TMEM52B: variants seen among roughly 807,000 people sequenced by gnomAD.
TMEM52B encodes chromosome 12 open reading frame 59.
Under a neutral mutation model 16.1 loss-of-function variants are expected in TMEM52B, and 11 were observed. The ratio of observed to expected loss-of-function variants is 0.68; its 90% CI spans 0.43 to 1.13. TMEM52B has a LOEUF of 1.13. Ranked by LOEUF, TMEM52B falls within the 50% of genes most tolerant of loss-of-function variation. The pLI is 0.00. For synonymous variants in TMEM52B, 101 were observed against 93.8 expected (o/e 1.08, Z -0.45); for missense variants, 243 against 230.4 (o/e 1.05, Z -0.35).
chr12:10,185,294 A>G, intron 2 of TMEM52B, 36 bp from the exon 3 acceptor site: 2 of 1,476,158 alleles, frequency 1.4e-6, no homozygotes, highest in East Asian at 2.3e-5. Context: ...GATTGACTAT[A>G]TTTTTAATGT....
chr12:10,170,958 A>G (rs774383125), intron 1 of TMEM52B: 2 of 152,072 alleles, frequency 1.3e-5, no homozygotes, highest in African/African-American at 2.4e-5. Flanking sequence ...TCATAAACCA[A>G]TCCGATTCTT....
At chr12:10,186,913 C>G (rs910657963) in intron 4 of TMEM52B, among the ~76,000 whole-genome samples, 1 of 152,086 alleles carries the variant, frequency 6.6e-6, no homozygotes, top group African/African-American at 2.4e-5. Flanking sequence ...TTCAAAACGT[C>G]TTGGATTTTG....
intron 2 of TMEM52B, among the ~76,000 whole-genome samples, chr12:10,183,862 T>C (rs763047544): frequency 2.0e-5 from 3 of 152,158 alleles, no homozygotes; most frequent in Admixed American, 1.3e-4. Context: ...AGAATATATA[T>C]TTGGTTTTGT....
chr12:10,190,199 G>A lies in TMEM52B; in HGVS notation c.*59G>A, dbSNP rs1177706721. On this transcript the variant is annotated 3_prime_UTR_variant, in exon 5 of 5. Coordinates refer to ENST00000543484, the MANE Select transcript of TMEM52B (RefSeq NM_001384896.1). ...GATGTCCAGAGTCTGTGGGAAAATG[G>A]AACACATACTTTTCTAACCCTCAGA... 1.3e-6 allele frequency: 2 copies of A among 1,599,030 alleles called. No homozygotes were observed. The highest frequency in any genetic ancestry group is 1.7e-6 in the Non-Finnish European group (2 of 1,171,882).
At chr12:10,171,366 T>C (rs1031217177) in intron 1 of TMEM52B, among the ~76,000 whole-genome samples, 7 of 152,254 alleles carry the variant, frequency 4.6e-5, no homozygotes, top group African/African-American at 1.7e-4. Context: ...TATGAATTAA[T>C]TTATAGCTAT....
At position 10,190,169 on chromosome 12, in the gene TMEM52B, G is replaced by T; in HGVS notation, c.*29G>T. 1 of 1,613,142 alleles carries T rather than the reference G, an allele frequency of 6.2e-7. No individual in the cohort carries two copies. Among genetic ancestry groups the T allele is most frequent in the Non-Finnish European group, 8.5e-7 (1 of 1,179,442 alleles). Reference sequence around the variant, plus strand: ...GAGCTGTCATTTTATAAATAGGAGTGGAGTGATGTCCAGAGTCTGTGGGAA... The same window carrying T: ...GAGCTGTCATTTTATAAATAGGAGTTGAGTGATGTCCAGAGTCTGTGGGAA... On this transcript the variant is annotated 3_prime_UTR_variant, in exon 5 of 5. Transcript: ENST00000543484.
At position 10,185,363 on chromosome 12, in the gene TMEM52B, T is replaced by C; in HGVS notation, c.132T>C (p.Tyr44=). 1 of 1,608,002 alleles carries C rather than the reference T, an allele frequency of 6.2e-7. No homozygotes were observed. Among genetic ancestry groups the C allele is most frequent in the Non-Finnish European group, 8.5e-7 (1 of 1,174,400 alleles). The change falls in exon 3 of 5, where the codon TAT becomes TAC. Residue 44 remains tyrosine (Y), a synonymous_variant. Coordinates refer to ENST00000543484, the MANE Select transcript of TMEM52B (RefSeq NM_001384896.1). ...CCACAGACTGGGTACATCTCTGGTA[T>C]ATATGGTAAGTTTCACTTATAATAC... ...CLTTDWVHLW[Y]IWLLVVIGAL... is the part of the protein sequence containing the mutation.
intron 4 of TMEM52B, among the ~76,000 whole-genome samples, chr12:10,187,416 T>C (rs1948893782): frequency 6.6e-6 from 1 of 150,706 alleles, no homozygotes; most frequent in African/African-American, 2.4e-5. Context: ...GTTACTTTCT[T>C]TTTTTGACAC....
intron 4 of TMEM52B, among the ~76,000 whole-genome samples, chr12:10,188,513 G>GAAGGAAGGAAGGAAGGAAGC (rs1948909478): frequency 2.2e-5 from 1 of 45,650 alleles, no homozygotes; most frequent in African/African-American, 7.0e-5. Context: ...AGGAAGGAAG[G>GAAGGAAGGAAGGAAGGAAGC]AAGGAAGGAA....
At chr12:10,176,740 C>T (rs1948768570), upstream of TMEM52B, among the ~76,000 whole-genome samples, 1 of 152,142 alleles carries the variant, frequency 6.6e-6, no homozygotes. Context: ...CACACATTAA[C>T]TTATTTAATC....
At chr12:10,177,815 T>TAATAA (rs10631520), upstream of TMEM52B, among the ~76,000 whole-genome samples, 1,179 of 62,932 alleles carry the variant, frequency 0.019, 14 homozygotes, top group Middle Eastern at 0.028. Flanking sequence ...ATAATAATAA[T>TAATAA]TTTTTTATTA....
intron 4 of TMEM52B, among the ~76,000 whole-genome samples, chr12:10,188,236 G>C (rs1948904030): frequency 6.6e-6 from 1 of 152,148 alleles, no homozygotes; most frequent in Admixed American, 6.5e-5. Context: ...AAGGCGGGCA[G>C]ATCATCTGAG....
At chr12:10,171,757 A>C (rs61918077) in intron 1 of TMEM52B, among the ~76,000 whole-genome samples, 2,025 of 152,334 alleles carry the variant, frequency 0.013, 17 homozygotes, top group Non-Finnish European at 0.02. Flanking sequence ...GATTCTGAGA[A>C]ATAATACTCT....
chr12:10,185,857 C>A (rs1948873124), intron 3 of TMEM52B, among the ~76,000 whole-genome samples: 1 of 152,130 alleles, frequency 6.6e-6, no homozygotes, highest in Non-Finnish European at 1.5e-5. Flanking sequence ...GCCTGACCAA[C>A]CTGGAGAAAC....
chr12:10,176,560 A>G (rs776556989), upstream of TMEM52B, among the ~76,000 whole-genome samples: 3 of 152,202 alleles, frequency 2.0e-5, no homozygotes, highest in Non-Finnish European at 4.4e-5. Context: ...TTAGAATATC[A>G]GGAGACTAAA....
chr12:10,183,295 T>C (rs1291195794), intron 2 of TMEM52B, among the ~76,000 whole-genome samples: 1 of 152,186 alleles, frequency 6.6e-6, no homozygotes, highest in Non-Finnish European at 1.5e-5. Context: ...CTTGATTACC[T>C]GTCACATGCA....
In TMEM52B at chr12:10,191,653, C is replaced by G. The variant is rs545868051; in HGVS notation, c.*1513C>G. 28 of 152,302 alleles carry G rather than the reference C, an allele frequency of 1.8e-4. No individual in the cohort carries two copies. Among genetic ancestry groups the G allele is most frequent in the African/African-American group, 5.8e-4 (24 of 41,564 alleles). The allele number at this position is 152,302 out of a possible 1,614,324, so 9.4% of individuals were successfully genotyped here. A position where few individuals can be genotyped will look rare whatever the true frequency, so the allele number is the denominator to read the frequency against. On this transcript the variant is annotated 3_prime_UTR_variant, in exon 5 of 5. Coordinates refer to ENST00000543484, the MANE Select transcript of TMEM52B (RefSeq NM_001384896.1). The stretch of plus-strand genomic sequence containing the variant: ...TGTTATGCATATGTATGTTATTCTT[C>G]CTACTGTCTTCTAACCTTCCCTTGC...
At chr12:10,182,222 T>C in intron 1 of TMEM52B, 8 of 985,066 alleles carry the variant, frequency 8.1e-6, no homozygotes, top group African/African-American at 1.7e-5. Context: ...AGGAGGACAA[T>C]GGCAATATCC....
intron 2 of TMEM52B, among the ~76,000 whole-genome samples, chr12:10,183,910 GT>G (rs1948851526): frequency 6.6e-6 from 1 of 152,120 alleles, no homozygotes; most frequent in African/African-American, 2.4e-5. Context: ...AATCCCCAAA[GT>G]AAGTAGCATC....
Sources: allele counts gnomAD v4.1 joint callset (sites outside exome capture counted in the v4.1 genomes callset), GRCh38; gene constraint gnomAD v4.1.1; transcripts MANE v1.5; gene names NCBI Gene and HGNC (gene_info 2026-07-23, HGNC 2026-07-21).